Variants in HS3ST2 observed in about 807,000 individuals in gnomAD.
HS3ST2 encodes the protein heparan sulfate-glucosamine 3-sulfotransferase 2.
Under a neutral mutation model 26.3 loss-of-function variants are expected in HS3ST2, and 17 were observed. That is an observed-to-expected ratio of 0.65 (90% CI 0.44 to 0.97). The LOEUF is 0.97. Among genes scored for constraint, HS3ST2 ranks in the 50% least tolerant of loss-of-function variants. HS3ST2 has a pLI of 0.00. For missense variants in HS3ST2, 402 were observed against 501.2 expected (o/e 0.80, Z 1.89); for synonymous variants, 237 against 219.2 (o/e 1.08, Z -0.72).
chr16:22,893,652 A>AT (rs1316199571), intron 1 of HS3ST2, among the ~76,000 whole-genome samples: 1 of 133,710 alleles, frequency 7.5e-6, no homozygotes, highest in Non-Finnish European at 1.6e-5. Flanking sequence ...TTTTTTTTAA[A>AT]TTTTTTGTTT....
chr16:22,868,341 G>A (rs543343339), intron 1 of HS3ST2, among the ~76,000 whole-genome samples: 7 of 149,736 alleles, frequency 4.7e-5, no homozygotes, highest in South Asian at 2.1e-4. Context: ...CCCGGGAAGC[G>A]GAGGTTGCAG....
At position 22,875,419 on chromosome 16, in the gene HS3ST2, C is replaced by T. The variant is rs371072626; in HGVS notation, c.486-39525C>T. Among the ~76,000 whole-genome samples the T allele has an allele frequency of 2.7e-3, 410 of 151,966 alleles. 2 individuals are homozygous for T. The highest frequency in any genetic ancestry group is 8.8e-3 in the African/African-American group (364 of 41,424). ...ATTTAGAGATAGAGTCTCGCTCTGT[C>T]GCCCAGGCTGGAGTGCAGTGGCATG... On this transcript the variant is annotated intron_variant, in intron 1 of 1. Coordinates refer to ENST00000261374, the MANE Select transcript of HS3ST2 (RefSeq NM_006043.2).
intron 1 of HS3ST2, among the ~76,000 whole-genome samples, chr16:22,824,863 C>T (rs1054180761): frequency 5.9e-5 from 9 of 152,106 alleles, no homozygotes; most frequent in East Asian, 1.9e-4. Flanking sequence ...GCTCCCTAGC[C>T]TCAGTGCTTG....
At chr16:22,880,608 A>G (rs1901976668) in intron 1 of HS3ST2, among the ~76,000 whole-genome samples, 1 of 152,110 alleles carries the variant, frequency 6.6e-6, no homozygotes. Context: ...CTTTTGTGCC[A>G]TGTGGCCCAG....
intron 1 of HS3ST2, among the ~76,000 whole-genome samples, chr16:22,903,535 A>T (rs1025245349): frequency 3.3e-5 from 5 of 152,224 alleles, no homozygotes; most frequent in African/African-American, 9.6e-5. Context: ...AAAGTAGCTG[A>T]AAGTGGATCA....
rs1256016436 is a variant in HS3ST2 at position 22,916,199 on chromosome 16, G to T, written c.*637G>T. ...AAACACTGTCTCTGAAAACAACTTTGTGATTCTCCCTGCTCCCTGTGGACA... is the reference window on the plus strand; with the variant it reads ...AAACACTGTCTCTGAAAACAACTTTTTGATTCTCCCTGCTCCCTGTGGACA... On this transcript the variant is annotated 3_prime_UTR_variant, in exon 2 of 2. Transcript: ENST00000261374. 6.5e-6 allele frequency: 1 copy of T among 152,862 alleles called. No individual in the cohort carries two copies. Among genetic ancestry groups the T allele is most frequent in the Non-Finnish European group, 1.5e-5 (1 of 68,226 alleles). The allele number at this position is 152,862 out of a possible 1,614,324, so 9.5% of individuals were successfully genotyped here.
At position 22,814,829 on chromosome 16, in the gene HS3ST2, T is replaced by C; in HGVS notation, c.219T>C (p.Cys73=). The change falls in exon 1 of 2, where the codon TGT becomes TGC. Residue 73 remains cysteine, a synonymous_variant. Coordinates refer to ENST00000261374, the MANE Select transcript of HS3ST2 (RefSeq NM_006043.2). ...GQKLLQKSRP[C]DPSGPTPSEP... is the part of the protein sequence containing the mutation. ...AACTTCTCCAGAAGTCCCGCCCCTG[T>C]GATCCCTCCGGGCCGACGCCCAGCG... is the stretch of plus-strand genomic sequence containing the variant. 2 of 1,575,648 alleles carry C rather than the reference T, an allele frequency of 1.3e-6. No homozygotes were observed. The highest frequency in any genetic ancestry group is 1.7e-6 in the Non-Finnish European group (2 of 1,161,488).
At chr16:22,906,722 T>C (rs1902359593) in intron 1 of HS3ST2, among the ~76,000 whole-genome samples, 1 of 152,150 alleles carries the variant, frequency 6.6e-6, no homozygotes, top group African/African-American at 2.4e-5. Flanking sequence ...AACAGAAAAT[T>C]TCCCTCCAGT....
At chr16:22,821,800 C>G (rs1026158479) in intron 1 of HS3ST2, among the ~76,000 whole-genome samples, 14 of 152,088 alleles carry the variant, frequency 9.2e-5, no homozygotes, top group Non-Finnish European at 1.5e-5. Flanking sequence ...GTAAAAGCCA[C>G]CCGGGAGGGG....
intron 1 of HS3ST2, among the ~76,000 whole-genome samples, chr16:22,851,300 A>G (rs956700180): frequency 6.6e-6 from 1 of 152,224 alleles, no homozygotes; most frequent in Non-Finnish European, 1.5e-5. Context: ...AACCACCTGC[A>G]TTTTATGTGC....
intron 1 of HS3ST2, among the ~76,000 whole-genome samples, chr16:22,872,004 A>G (rs1038670700): frequency 2.0e-5 from 3 of 152,232 alleles, no homozygotes; most frequent in Admixed American, 1.3e-4. Flanking sequence ...AGATGGTGCC[A>G]GTGCTTCTCC....
intron 1 of HS3ST2, among the ~76,000 whole-genome samples, chr16:22,895,250 T>C (rs1228024522): frequency 2.0e-5 from 3 of 152,126 alleles, no homozygotes; most frequent in African/African-American, 4.8e-5. Context: ...CCACCAGGCC[T>C]GGCTGATTTT....
intron 1 of HS3ST2, among the ~76,000 whole-genome samples, chr16:22,877,187 T>G (rs1901932735): frequency 1.3e-5 from 2 of 152,086 alleles, no homozygotes; most frequent in Admixed American, 6.5e-5. Context: ...ATGACTTAAG[T>G]TCTGAAGTCA....
chr16:22,851,699 G>T (rs527263059), intron 1 of HS3ST2, among the ~76,000 whole-genome samples: 1 of 152,138 alleles, frequency 6.6e-6, no homozygotes, highest in East Asian at 1.9e-4. Context: ...GGTGAAGGAC[G>T]CCTTAGACTA....
At chr16:22,848,184 T>G (rs1307590366) in intron 1 of HS3ST2, among the ~76,000 whole-genome samples, 1 of 152,216 alleles carries the variant, frequency 6.6e-6, no homozygotes, top group Non-Finnish European at 1.5e-5. Context: ...GCCTGGATTT[T>G]GGCGTCAAAG....
At chr16:22,911,131 A>G (rs1902420345) in intron 1 of HS3ST2, among the ~76,000 whole-genome samples, 1 of 152,254 alleles carries the variant, frequency 6.6e-6, no homozygotes, top group East Asian at 1.9e-4. Context: ...GCTAGAATCC[A>G]TGAACATATT....
intron 1 of HS3ST2, among the ~76,000 whole-genome samples, chr16:22,824,289 C>T (rs1901047689): frequency 6.6e-6 from 1 of 152,198 alleles, no homozygotes; most frequent in Admixed American, 6.5e-5. Context: ...TGGCTCATGC[C>T]TGTAATCCCA....
intron 1 of HS3ST2, among the ~76,000 whole-genome samples, chr16:22,869,820 C>A (rs146115812): frequency 6.6e-6 from 1 of 152,148 alleles, no homozygotes; most frequent in Non-Finnish European, 1.5e-5. Flanking sequence ...GTTCTTCCAC[C>A]TCCTGTTAAT....
At chr16:22,868,868 A>T (rs1438422891) in intron 1 of HS3ST2, among the ~76,000 whole-genome samples, 1 of 151,842 alleles carries the variant, frequency 6.6e-6, no homozygotes, top group Non-Finnish European at 1.5e-5. Context: ...AAATACATGG[A>T]CCCATTAGTG....
Sources: allele counts gnomAD v4.1 joint callset (sites outside exome capture counted in the v4.1 genomes callset), GRCh38; gene constraint gnomAD v4.1.1; transcripts MANE v1.5; gene names NCBI Gene and HGNC (gene_info 2026-07-23, HGNC 2026-07-21).